HEATR5B: variants seen among roughly 807,000 people sequenced by gnomAD.
The protein encoded by HEATR5B is HEAT repeat containing 5B, also known as HEAT repeat-containing protein 5B.
HEATR5B carries 156 observed loss-of-function variants against 224.1 expected under a neutral mutation model. That is an observed-to-expected ratio of 0.70 (90% CI 0.61 to 0.80). The LOEUF is 0.80. Ranked by LOEUF, HEATR5B falls within the 30% of genes least tolerant of loss-of-function variation. HEATR5B has a pLI of 0.00. For synonymous variants in HEATR5B, 1,027 were observed against 893.0 expected, an observed-to-expected ratio of 1.15 and a Z score of -2.68; for missense variants, 2,323 against 2,535.5, an observed-to-expected ratio of 0.92 and a Z score of 1.80.
Position 37,014,020 on chromosome 2 carries a change from C to G in HEATR5B, c.4105G>C (p.Val1369Leu). The part of the protein sequence containing the change: ...PSDIIAKACQ[V>L]CSTWIGSGVV... The stretch of plus-strand genomic sequence containing the variant: ...CCACTTCCTATCCATGTACTACATA[C>G]CTAGACAAAGAGAATTCAAAAACTT... Residue 1369 changes from valine (V) to leucine (L), a missense_variant and splice_region_variant, in exon 27 of 36, where the codon GTA becomes CTA. Val to Leu is a conservative substitution (Grantham distance 32). This residue lies in a region of HEATR5B where 339 missense variants were observed against 378.4 expected (regional missense o/e 0.90). Transcript: ENST00000233099. The G allele has an allele frequency of 6.6e-7, 1 of 1,519,218 alleles. No homozygotes were observed. Among genetic ancestry groups the G allele is most frequent in the Non-Finnish European group, 8.9e-7 (1 of 1,126,994 alleles). The allele number at this position is 1,519,218 out of a possible 1,614,324, so 94.1% of individuals were successfully genotyped here.
intron 21 of HEATR5B, among the ~76,000 whole-genome samples, chr2:37,037,135 C>G (rs920163383): frequency 1.3e-5 from 1 of 76,002 alleles, no homozygotes; most frequent in Non-Finnish European, 2.7e-5. Flanking sequence ...AGTAGGAAAA[C>G]TAAAAATGTG....
intron 26 of HEATR5B, among the ~76,000 whole-genome samples, chr2:37,016,693 AG>A (rs1319121299): frequency 1.3e-5 from 2 of 152,246 alleles, no homozygotes; most frequent in Non-Finnish European, 2.9e-5. Context: ...TGATTAAAAA[AG>A]CTTTTGATTT....
At chr2:37,012,952 G>A (rs1049197702) in intron 27 of HEATR5B, among the ~76,000 whole-genome samples, 11 of 152,134 alleles carry the variant, frequency 7.2e-5, no homozygotes, top group Non-Finnish European at 1.5e-5. Flanking sequence ...CTTACCCTTT[G>A]GTACATCTAC....
intron 32 of HEATR5B, among the ~76,000 whole-genome samples, chr2:37,001,435 T>C (rs958378618): frequency 6.6e-6 from 1 of 152,086 alleles, no homozygotes; most frequent in Non-Finnish European, 1.5e-5. Flanking sequence ...TTTTCACATA[T>C]GTAGGGTAAC....
intron 17 of HEATR5B, among the ~76,000 whole-genome samples, chr2:37,051,413 T>C (rs963851420): frequency 4.7e-5 from 7 of 149,046 alleles, no homozygotes; most frequent in Non-Finnish European, 8.9e-5. Flanking sequence ...AATGTTGAAG[T>C]AGTTTGCTCA....
intron 2 of HEATR5B, among the ~76,000 whole-genome samples, chr2:37,081,065 G>C (rs1672532088): frequency 6.6e-6 from 1 of 152,144 alleles, no homozygotes; most frequent in African/African-American, 2.4e-5. Context: ...GATGGAGATG[G>C]ATCAAATAAG....
At chr2:37,033,197 C>T (rs1265953826) in intron 21 of HEATR5B, among the ~76,000 whole-genome samples, 3 of 152,094 alleles carry the variant, frequency 2.0e-5, no homozygotes, top group Non-Finnish European at 4.4e-5. Flanking sequence ...TATATATTAA[C>T]ATCTTACTTC....
chr2:37,032,580 T>G (rs1669200764), intron 22 of HEATR5B, 49 bp downstream of exon 22: 2 of 1,486,498 alleles, frequency 1.3e-6, no homozygotes, highest in Non-Finnish European at 9.2e-7. Flanking sequence ...TTAACTGAAA[T>G]GTAAAAGTAG....
chr2:37,021,014 T>C (rs1036568301), intron 24 of HEATR5B, among the ~76,000 whole-genome samples, 178 bp from the exon 25 acceptor site: 1 of 152,212 alleles, frequency 6.6e-6, no homozygotes, highest in African/African-American at 2.4e-5. Flanking sequence ...CTTTCAAGAA[T>C]AGTGATATAC....
In HEATR5B at chr2:37,032,564, T is replaced by C. The variant is rs540986405; in HGVS notation, c.3361+65A>G. On this transcript the variant is annotated intron_variant, in intron 22 of 35. Coordinates refer to ENST00000233099, the MANE Select transcript of HEATR5B (RefSeq NM_019024.3). ...CAACAGAAAAATGTTATTTGATAAA[T>C]AGTACTTAACTGAAATGTAAAAGTA... 4.5e-5 allele frequency: 59 copies of C among 1,307,338 alleles called. 1 individual carries two copies. Among genetic ancestry groups the C allele is most frequent in the Middle Eastern group, 3.8e-4 (2 of 5,270 alleles). The allele number at this position is 1,307,338 out of a possible 1,614,324, so 81.0% of individuals were successfully genotyped here.
intron 27 of HEATR5B, among the ~76,000 whole-genome samples, chr2:37,011,396 A>G (rs1026918451): frequency 6.6e-6 from 1 of 152,318 alleles, no homozygotes; most frequent in Admixed American, 6.5e-5. Flanking sequence ...TCTGCAGGCA[A>G]TGGGGAAGCA....
rs2148381218 is a variant in HEATR5B, at chr2:37,003,647, G to A, written c.4945C>T (p.Leu1649=). Reference sequence around the variant, plus strand: ...ACAGATGATGGATTCCAGGTCAATAGAAGGCGGTGCAAAACACTCAGCAAC... The same window carrying A: ...ACAGATGATGGATTCCAGGTCAATAAAAGGCGGTGCAAAACACTCAGCAAC... ...VELLSVLHRL[L]LTWNPSSVQL... The change falls in exon 31 of 36, where the codon CTA becomes TTA. Residue 1649 remains leucine, a synonymous_variant. Transcript: ENST00000233099. 2.5e-6 allele frequency: 4 copies of A among 1,612,244 alleles called. No individual in the cohort carries two copies. Among genetic ancestry groups the A allele is most frequent in the African/African-American group, 1.3e-5 (1 of 74,948 alleles).
chr2:37,042,485 T>C (rs2148502892), intron 18 of HEATR5B, among the ~76,000 whole-genome samples: 1 of 152,336 alleles, frequency 6.6e-6, no homozygotes, highest in African/African-American at 2.4e-5. Context: ...ATATCAAATT[T>C]ATGGTGAAGC....
rs754190845 is a variant in HEATR5B at position 37,060,693 on chromosome 2, T to C, written c.1737A>G (p.Leu579=). The change falls in exon 12 of 36, where the codon TTA becomes TTG. Residue 579 remains leucine, a synonymous_variant. Transcript: ENST00000233099. ...AACGTGGGAAAACATTTCGCCACAA[T>C]AACAACATCTTGGGCAGATGGTAAC... ...VVRYHLPKML[L]LWRNVFPRSL... is the part of the protein sequence containing the mutation. The C allele has an allele frequency of 3.7e-6, 6 of 1,613,874 alleles. No individual in the cohort carries two copies. The highest frequency in any genetic ancestry group is 5.1e-6 in the Non-Finnish European group (6 of 1,179,898).
At position 37,057,431 on chromosome 2, in the gene HEATR5B, A is replaced by C; in HGVS notation, c.2109T>G (p.Thr703=). The C allele has an allele frequency of 6.2e-7, 1 of 1,611,572 alleles. No homozygotes were observed. Among genetic ancestry groups the C allele is most frequent in the Non-Finnish European group, 8.5e-7 (1 of 1,178,884 alleles). ...LRELVAEFTL[T]DNSANTTTSL... ...AAGTAGTTGTGTTGGCTGAGTTGTC[A>C]GTCAAAGTGAATTCCGCTACCAGTT... The change falls in exon 15 of 36, where the codon ACT becomes ACG. Residue 703 remains threonine, a synonymous_variant. Coordinates refer to ENST00000233099, the MANE Select transcript of HEATR5B (RefSeq NM_019024.3).
chr2:37,017,179 A>G (rs10192867), intron 26 of HEATR5B, among the ~76,000 whole-genome samples: 85,007 of 152,098 alleles, frequency 0.56, 23,979 homozygotes, highest in East Asian at 0.67. Flanking sequence ...GAGGTCAGGC[A>G]TTCAAGACCA....
In HEATR5B at chr2:37,027,952, G is replaced by A. The variant is rs1558750371; in HGVS notation, c.3824C>T (p.Ala1275Val). Residue 1275 changes from alanine (A) to valine (V), a missense_variant, in exon 24 of 36, where the codon GCA becomes GTA. Physicochemically the swap from Ala to Val is moderately conservative, Grantham distance 64. This residue lies in a region of HEATR5B where 339 missense variants were observed against 378.4 expected (regional missense o/e 0.90). Transcript: ENST00000233099. The stretch of plus-strand genomic sequence containing the variant: ...AGGGTTTCGAAGTTTAGCAGAACGT[G>A]CCAAGGCAAGATCAAAGTGAGCCTG... ...ADQAHFDLAL[A>V]RSAKLRNPTN... The A allele has an allele frequency of 1.2e-6, 2 of 1,614,154 alleles. No individual in the cohort carries two copies. The highest frequency in any genetic ancestry group is 1.7e-6 in the Non-Finnish European group (2 of 1,179,994).
At chr2:37,075,839 T>A in intron 4 of HEATR5B, 1 of 375,476 alleles carries the variant, frequency 2.7e-6, no homozygotes, top group South Asian at 7.5e-5. Context: ...TCTAAAAAAT[T>A]AGGTTTTAAG....
In HEATR5B at chr2:37,002,592, G is replaced by T; in HGVS notation, c.5051-20C>A. 1 of 1,597,674 alleles carries T rather than the reference G, an allele frequency of 6.3e-7. No individual in the cohort carries two copies. Among genetic ancestry groups the T allele is most frequent in the Admixed American group, 1.7e-5 (1 of 57,244 alleles). ...CTTCATCTGAGGTAAAAGATAATTTGGTGAAATTTCCAGCCAAAAAAAAGT... is the reference window on the plus strand; with the variant it reads ...CTTCATCTGAGGTAAAAGATAATTTTGTGAAATTTCCAGCCAAAAAAAAGT... On this transcript the variant is annotated intron_variant, in intron 31 of 35. Transcript: ENST00000233099.
Sources: gnomAD v4.1 joint callset for allele counts (sites outside exome capture counted in the v4.1 genomes callset) on GRCh38, gnomAD v4.1.1 for gene constraint, gnomAD v4.1.1 regional missense constraint, MANE v1.5 for transcripts, NCBI Gene and HGNC (gene_info 2026-07-23, HGNC 2026-07-21) for gene names.